Variants in CREG2 observed in about 807,000 individuals in gnomAD.
The protein encoded by CREG2 is cellular repressor of E1A stimulated genes 2.
CREG2 carries 24 observed loss-of-function variants against 26.2 expected under a neutral mutation model. The observed-to-expected ratio is 0.92, with a 90% CI of 0.66 to 1.29. CREG2 has a LOEUF of 1.29. Ranked by LOEUF, CREG2 falls within the 50% of genes most tolerant of loss-of-function variation. The pLI, the probability that CREG2 is intolerant of heterozygous loss-of-function variation, is 0.00. For synonymous variants in CREG2, 174 were observed against 169.2 expected (o/e 1.03, Z -0.22); for missense variants, 366 against 398.6 (o/e 0.92, Z 0.70).
At chr2:101,385,564 G>T (rs1035060956) in intron 1 of CREG2, among the ~76,000 whole-genome samples, 1 of 152,180 alleles carries the variant, frequency 6.6e-6, no homozygotes, top group Non-Finnish European at 1.5e-5. Flanking sequence ...CTAACAAAGT[G>T]CACCTTGTTG....
At chr2:101,385,688 A>G (rs1193052597) in intron 1 of CREG2, among the ~76,000 whole-genome samples, 1 of 152,232 alleles carries the variant, frequency 6.6e-6, no homozygotes, top group Non-Finnish European at 1.5e-5. Context: ...ACGTTAAGGA[A>G]TCTTCCAAAA....
chr2:101,352,666 G>A (rs1389464291), intron 3 of CREG2, among the ~76,000 whole-genome samples: 1 of 152,182 alleles, frequency 6.6e-6, no homozygotes, highest in African/African-American at 2.4e-5. Context: ...AAATTAGCCA[G>A]CCGTGGTGGT....
intron 2 of CREG2, among the ~76,000 whole-genome samples, chr2:101,381,102 T>C (rs1264210097): frequency 2.0e-5 from 3 of 152,206 alleles, no homozygotes; most frequent in African/African-American, 7.2e-5. Context: ...TCCCCGCTCC[T>C]GTGGGAGATG....
At position 101,387,500 on chromosome 2, in the gene CREG2, T is replaced by C. The variant is rs116287156; in HGVS notation, c.-43A>G. 0.23 allele frequency: 163,489 copies of C among 712,550 alleles called. 20,858 individuals carry two copies. Among genetic ancestry groups the C allele is most frequent in the Non-Finnish European group, 0.26 (135,176 of 526,114 alleles). The allele number at this position is 712,550 out of a possible 1,614,324, so 44.1% of individuals were successfully genotyped here. ...CGGCCGCCGGGGCCGCCAGCAGCGCTAGTGCCGGGGAGCCCGGCAGCGCCC... is the reference window on the plus strand; with the variant it reads ...CGGCCGCCGGGGCCGCCAGCAGCGCCAGTGCCGGGGAGCCCGGCAGCGCCC... On this transcript the variant is annotated 5_prime_UTR_variant, in exon 1 of 4. Transcript: ENST00000324768. This position sits in a 1 kb window ranked among gnomAD's most constrained non-coding sequence, Gnocchi z 4.7.
At chr2:101,375,098 C>G (rs1684769646) in intron 2 of CREG2, among the ~76,000 whole-genome samples, 1 of 152,146 alleles carries the variant, frequency 6.6e-6, no homozygotes, top group Non-Finnish European at 1.5e-5. Context: ...ATTACATCTA[C>G]GTCCCCGCAC....
chr2:101,357,993 A>T (rs1472262510), intron 2 of CREG2, among the ~76,000 whole-genome samples: 2 of 133,566 alleles, frequency 1.5e-5, no homozygotes. Flanking sequence ...AAAAAAAAAA[A>T]GCTAGGCTAC....
chr2:101,352,701 G>A (rs529926228), intron 3 of CREG2, among the ~76,000 whole-genome samples: 5 of 152,264 alleles, frequency 3.3e-5, no homozygotes, highest in African/African-American at 9.6e-5. Flanking sequence ...CCAGCTACTC[G>A]GAAGTCTGAG....
intron 1 of CREG2, among the ~76,000 whole-genome samples, chr2:101,385,184 T>G (rs554597772): frequency 1.3e-5 from 2 of 152,274 alleles, no homozygotes; most frequent in South Asian, 2.1e-4. Context: ...TTTATTAGTA[T>G]TATTATTTTT....
chr2:101,361,144 C>T (rs1684532989), intron 2 of CREG2, among the ~76,000 whole-genome samples: 1 of 152,150 alleles, frequency 6.6e-6, no homozygotes, highest in Admixed American at 6.5e-5. Flanking sequence ...TGCTTCTCTA[C>T]TGTGGGTAAT....
At chr2:101,378,413 G>C (rs926703937) in intron 2 of CREG2, among the ~76,000 whole-genome samples, 3 of 152,218 alleles carry the variant, frequency 2.0e-5, no homozygotes, top group Admixed American at 6.5e-5. Flanking sequence ...TCCTAGGGGA[G>C]GGGCAAGCTG....
Position 101,348,301 on chromosome 2 carries a change from A to C in CREG2, c.*2622T>G, listed in dbSNP as rs1326474850. The C allele has an allele frequency of 6.6e-6, 1 of 152,242 alleles. No homozygotes were observed. The highest frequency in any genetic ancestry group is 1.5e-5 in the Non-Finnish European group (1 of 68,042). The allele number at this position is 152,242 out of a possible 1,614,324, so 9.4% of individuals were successfully genotyped here. A position where few individuals can be genotyped will look rare whatever the true frequency, so the allele number is the denominator to read the frequency against. Reference sequence around the variant, plus strand: ...TTTCAATGCCTGTGCCTTTCCATGTAACTTTTAAAATAAGCTTGTATAGGT... The same window carrying C: ...TTTCAATGCCTGTGCCTTTCCATGTCACTTTTAAAATAAGCTTGTATAGGT... On this transcript the variant is annotated 3_prime_UTR_variant, in exon 4 of 4. Transcript: ENST00000324768.
At chr2:101,385,071 C>G (rs1684944498) in intron 1 of CREG2, among the ~76,000 whole-genome samples, 1 of 152,138 alleles carries the variant, frequency 6.6e-6, no homozygotes, top group Admixed American at 6.5e-5. Flanking sequence ...TTATAAATTA[C>G]CCAGCCTCAG....
At chr2:101,357,333 G>A (rs188450029) in intron 2 of CREG2, among the ~76,000 whole-genome samples, 2 of 152,322 alleles carry the variant, frequency 1.3e-5, no homozygotes, top group East Asian at 1.9e-4. Context: ...TGTGGGGAAG[G>A]GAACTTAAAG....
chr2:101,355,241 G>A lies in CREG2; in HGVS notation c.725+12C>T, dbSNP rs201819390. 1 of 1,536,214 alleles carries A rather than the reference G, an allele frequency of 6.5e-7. No individual in the cohort carries two copies. Among genetic ancestry groups the A allele is most frequent in the African/African-American group, 1.4e-5 (1 of 73,508 alleles). On this transcript the variant is annotated intron_variant, in intron 3 of 3. Coordinates refer to ENST00000324768, the MANE Select transcript of CREG2 (RefSeq NM_153836.4). ...TATTTCTGGGCATATAAATTTTAAAGCATTTACACACCTTGAAAACATGGC... is the reference window on the plus strand; with the variant it reads ...TATTTCTGGGCATATAAATTTTAAAACATTTACACACCTTGAAAACATGGC...
intron 3 of CREG2, among the ~76,000 whole-genome samples, chr2:101,354,240 T>G (rs1481914671): frequency 6.6e-6 from 1 of 152,096 alleles, no homozygotes; most frequent in African/African-American, 2.4e-5. Flanking sequence ...GAACTAGAGT[T>G]GAGTTTAAAA....
chr2:101,383,153 A>T (rs1174709333), intron 2 of CREG2: 8 of 383,964 alleles, frequency 2.1e-5, no homozygotes, highest in Non-Finnish European at 2.8e-5. Flanking sequence ...TGCTGGGGAG[A>T]TCAACTACTG....
chr2:101,380,397 C>T (rs1684854422), intron 2 of CREG2, among the ~76,000 whole-genome samples: 1 of 152,222 alleles, frequency 6.6e-6, no homozygotes, highest in African/African-American at 2.4e-5. Context: ...AGGCTTGCAG[C>T]TGAAATGCCC....
In CREG2 at chr2:101,349,399, C is replaced by T. The variant is rs4638816; in HGVS notation, c.*1524G>A. ...AATATATTTTGACAACTCAAGCTCT[C>T]GTCGTATGTTATTTTGTTAAGCAAA... On this transcript the variant is annotated 3_prime_UTR_variant, in exon 4 of 4. Coordinates refer to ENST00000324768, the MANE Select transcript of CREG2 (RefSeq NM_153836.4). The T allele has an allele frequency of 0.13, 19,804 of 152,520 alleles. 1,498 individuals are homozygous for T. The highest frequency in any genetic ancestry group is 0.23 in the East Asian group (1,186 of 5,174). 9.4% of individuals were successfully genotyped at this position (152,520 alleles called of 1,614,324 possible). A position where few individuals can be genotyped will look rare whatever the true frequency, so the allele number is the denominator to read the frequency against.
At chr2:101,360,356 A>G (rs1283646154) in intron 2 of CREG2, among the ~76,000 whole-genome samples, 1 of 152,186 alleles carries the variant, frequency 6.6e-6, no homozygotes, top group African/African-American at 2.4e-5. Flanking sequence ...AGGTTACCTT[A>G]ATAAATCTCA....
Sources: gnomAD v4.1 joint callset for allele counts (sites outside exome capture counted in the v4.1 genomes callset) on GRCh38, gnomAD v4.1.1 for gene constraint, Gnocchi (gnomAD v3.1) non-coding constraint, MANE v1.5 for transcripts, NCBI Gene and HGNC (gene_info 2026-07-23, HGNC 2026-07-21) for gene names.